The following TSC2 variants were observed in gnomAD, a reference collection of about 807,000 sequenced individuals.
TSC2 encodes TSC complex subunit 2, also known as tuberin.
TSC2 carries 29 observed loss-of-function variants against 202.2 expected under a neutral mutation model. The ratio of observed to expected loss-of-function variants is 0.14; its 90% CI spans 0.11 to 0.20. The LOEUF (loss-of-function observed/expected upper bound fraction) is 0.20, where lower values mean the gene tolerates loss of function less well. TSC2 is among the 10% of genes least tolerant of loss of function. The probability of loss-of-function intolerance (pLI) is 1.00; values close to 1 mark genes in which losing one functional copy is unlikely to be tolerated. For missense variants in TSC2, 2,429 were observed against 2,420.0 expected, an observed-to-expected ratio of 1.00 and a Z score of -0.08; for synonymous variants, 1,349 against 1,044.0, an observed-to-expected ratio of 1.29 and a Z score of -5.63.
Position 2,084,695 on chromosome 16 carries a change from A to C in TSC2, c.4473A>C (p.Lys1491Asn), listed in dbSNP as rs1266546987. Residue 1491 changes from lysine to asparagine, a missense_variant, in exon 34 of 42, where the codon AAA becomes AAC. Coordinates refer to ENST00000219476, the MANE Select transcript of TSC2 (RefSeq NM_000548.5). The stretch of plus-strand genomic sequence containing the variant: ...GAGCCACAGCCTCCAATGCAGAGAA[A>C]GTGCCAGGCATCAACCCCAGGTGGG... ...KSRATASNAE[K>N]VPGINPSFVF... is the part of the protein sequence containing the mutation. 6.3e-7 allele frequency: 1 copy of C among 1,598,330 alleles called. No individual in the cohort carries two copies. The highest frequency in any genetic ancestry group is 8.5e-7 in the Non-Finnish European group (1 of 1,179,788).
intron 16 of TSC2, among the ~76,000 whole-genome samples, chr16:2,066,811 C>A (rs1350962043): frequency 1.3e-5 from 2 of 151,900 alleles, no homozygotes; most frequent in Non-Finnish European, 1.5e-5. Flanking sequence ...CAGGCACCTG[C>A]CAACATACTC....
At chr16:2,065,465 G>T (rs1480644326) in intron 15 of TSC2, 54 bp from the exon 16 acceptor site, 1 of 1,349,758 alleles carries the variant, frequency 7.4e-7, no homozygotes, top group East Asian at 2.3e-5. Flanking sequence ...TGTTCTCACG[G>T]CTGCTGACTC....
At chr16:2,083,337 A>G (rs1353721319) in intron 32 of TSC2, 3 of 457,954 alleles carry the variant, frequency 6.6e-6, no homozygotes, top group Non-Finnish European at 8.6e-6. Flanking sequence ...CTCCTCGGTT[A>G]CGAGGGCTGG....
At chr16:2,072,742 C>G in intron 20 of TSC2, 107 bp from the exon 21 acceptor site, 3 of 1,582,294 alleles carry the variant, frequency 1.9e-6, no homozygotes, top group Non-Finnish European at 2.6e-6. Flanking sequence ...TCCCCAGCCC[C>G]TTTGCCCCCT....
chr16:2,086,228 T>C lies in TSC2; in HGVS notation c.4698T>C (p.His1566=). The C allele has an allele frequency of 6.2e-7, 1 of 1,612,652 alleles. No individual in the cohort carries two copies. Among genetic ancestry groups the C allele is most frequent in the South Asian group, 1.1e-5 (1 of 91,084 alleles). ...AGCTCGCCATCCTGTCCAATGAGCA[T>C]GGCTCCTACAGGTACACGGAGTTCC... ...NSELAILSNE[H]GSYRYTEFLT... The change falls in exon 37 of 42, where the codon CAT becomes CAC. Residue 1566 remains histidine, a synonymous_variant. Coordinates refer to ENST00000219476, the MANE Select transcript of TSC2 (RefSeq NM_000548.5).
rs1319281731 is a variant in TSC2, at chr16:2,065,577, A to T, written c.1658A>T (p.Tyr553Phe). The change falls in exon 16 of 42, where the codon TAC becomes TTC. Residue 553 changes from tyrosine (Y) to phenylalanine (F), a missense_variant. Tyr to Phe is a conservative substitution (Grantham distance 22). Transcript: ENST00000219476. Reference sequence around the variant, plus strand: ...CTGGAAGAAAGGGATGTGGCCGCATACTCGGCCTCCTTGGAGGATGTGAAG... The same window carrying T: ...CTGGAAGAAAGGGATGTGGCCGCATTCTCGGCCTCCTTGGAGGATGTGAAG... ...PELEERDVAA[Y>F]SASLEDVKTA... is the part of the protein sequence containing the mutation. The T allele has an allele frequency of 6.2e-7, 1 of 1,613,762 alleles. No homozygotes were observed.
At position 2,086,876 on chromosome 16, in the gene TSC2, G is replaced by GT. The variant is rs2151590002; in HGVS notation, c.4989+6dup. ...TTCAAGCTTGGCACCATCAAGGTGAGTGAGGGGCCGTCAGTGAGGCTGGGC... is the reference window on the plus strand; with the variant it reads ...TTCAAGCTTGGCACCATCAAGGTGAGTTGAGGGGCCGTCAGTGAGGCTGGGC... On this transcript the variant is annotated splice_donor_region_variant and intron_variant, in intron 38 of 41. Coordinates refer to ENST00000219476, the MANE Select transcript of TSC2 (RefSeq NM_000548.5). The GT allele has an allele frequency of 1.3e-6, 2 of 1,577,376 alleles. No homozygotes were observed. Among genetic ancestry groups the GT allele is most frequent in the Non-Finnish European group, 1.7e-6 (2 of 1,162,836 alleles).
rs747420910 is a variant in TSC2, at chr16:2,079,645, C to T, written c.3373C>T (p.Arg1125Trp). The change falls in exon 29 of 42, where the codon CGG becomes TGG. Residue 1125 changes from arginine (R) to tryptophan (W), a missense_variant. By Grantham distance (101) the Arg-to-Trp change is moderately radical. Transcript: ENST00000219476. The surrounding 1 kb of genome is among the most constrained non-coding windows in gnomAD (Gnocchi z 4.6). ...QAGQQVSRGA[R>W]DRVRSMSGGH... is the part of the protein sequence containing the mutation. ...TGGGCAGCAGGTGTCCCGTGGGGCC[C>T]GGGATCGGGTCCGTTCCATGTCGGG... 9 of 1,603,748 alleles carry T rather than the reference C, an allele frequency of 5.6e-6. No individual in the cohort carries two copies. Among genetic ancestry groups the T allele is most frequent in the South Asian group, 4.5e-5 (4 of 89,678 alleles).
intron 31 of TSC2, 156 bp downstream of exon 31, chr16:2,081,954 G>A: frequency 9.0e-7 from 1 of 1,114,970 alleles, no homozygotes; most frequent in Non-Finnish European, 1.3e-6. Flanking sequence ...TTTGGGAGGA[G>A]GCTGACCCGT....
At position 2,072,237 on chromosome 16, in the gene TSC2, G is replaced by T. The variant is rs1306044216; in HGVS notation, c.2098-4G>T. On this transcript the variant is annotated splice_polypyrimidine_tract_variant and splice_region_variant and intron_variant, in intron 19 of 41. Coordinates refer to ENST00000219476, the MANE Select transcript of TSC2 (RefSeq NM_000548.5). ...CCCTGTCCTGACGCCTCCTCTCCTC[G>T]CAGGAGTCTGACTGGAAGGTGCTGA... 6.2e-7 allele frequency: 1 copy of T among 1,613,798 alleles called. No individual in the cohort carries two copies. Among genetic ancestry groups the T allele is most frequent in the East Asian group, 2.2e-5 (1 of 44,892 alleles).
At chr16:2,087,316 C>T (rs1024806815) in intron 38 of TSC2, 11 of 333,924 alleles carry the variant, frequency 3.3e-5, no homozygotes, top group East Asian at 7.9e-5. Flanking sequence ...CCCAGCATGG[C>T]GGGGAGAGCT....
chr16:2,062,035 T>C (rs750236906), intron 12 of TSC2, 27 bp downstream of exon 12: 1 of 1,613,724 alleles, frequency 6.2e-7, no homozygotes, highest in Non-Finnish European at 8.5e-7. Flanking sequence ...GGTGGGGCCT[T>C]TGGGCTTTGG....
At chr16:2,070,718 G>A (rs2088183420) in intron 17 of TSC2, 140 bp downstream of exon 17, 2 of 1,408,334 alleles carry the variant, frequency 1.4e-6, no homozygotes, top group Admixed American at 4.2e-5. Context: ...CACCCACTGT[G>A]GCCGCAGCCT....
chr16:2,072,253 A>G lies in TSC2; in HGVS notation c.2110A>G (p.Lys704Glu). The change falls in exon 20 of 42, where the codon AAG becomes GAG. Residue 704 changes from lysine to glutamate, a missense_variant. By Grantham distance (56) the Lys-to-Glu change is moderately conservative. Coordinates refer to ENST00000219476, the MANE Select transcript of TSC2 (RefSeq NM_000548.5). ...LQCLKQESDW[K>E]VLKLVLGRLP... Reference sequence around the variant, plus strand: ...CCTCTCCTCGCAGGAGTCTGACTGGAAGGTGCTGAAGCTGGTTCTGGGCAG... The same window carrying G: ...CCTCTCCTCGCAGGAGTCTGACTGGGAGGTGCTGAAGCTGGTTCTGGGCAG... The G allele has an allele frequency of 1.2e-6, 2 of 1,614,018 alleles. No homozygotes were observed. The highest frequency in any genetic ancestry group is 1.7e-6 in the Non-Finnish European group (2 of 1,180,022).
chr16:2,054,616 C>T lies in TSC2; in HGVS notation c.481+176C>T, dbSNP rs570389306. 1.1e-4 allele frequency: 101 copies of T among 912,912 alleles called. No individual in the cohort carries two copies. In the African/African-American group the frequency reaches 1.2e-3, roughly 11 times the overall value. The allele number at this position is 912,912 out of a possible 1,614,324, so 56.6% of individuals were successfully genotyped here. On this transcript the variant is annotated intron_variant, in intron 5 of 41. Coordinates refer to ENST00000219476, the MANE Select transcript of TSC2 (RefSeq NM_000548.5). ...GCGTGGCCGGAGTGCCCCTGAGGCACGTGTTAAAAATGCAGAGTCCTGGCC... is the reference window on the plus strand; with the variant it reads ...GCGTGGCCGGAGTGCCCCTGAGGCATGTGTTAAAAATGCAGAGTCCTGGCC...
chr16:2,078,755 C>T (rs1482115865), intron 26 of TSC2: 5 of 519,182 alleles, frequency 9.6e-6, no homozygotes, highest in Non-Finnish European at 1.4e-5. Flanking sequence ...TAACCTAGTG[C>T]TCCCGTGGGC....
intron 30 of TSC2, 130 bp from the exon 31 acceptor site, chr16:2,081,465 T>C: frequency 1.6e-6 from 2 of 1,216,684 alleles, no homozygotes; most frequent in Non-Finnish European, 2.4e-6. Flanking sequence ...GGCTCCGACA[T>C]CGTGGTCCTG....
At chr16:2,082,598 C>G (rs921923394) in intron 32 of TSC2, 94 bp downstream of exon 32, 1 of 1,403,402 alleles carries the variant, frequency 7.1e-7, no homozygotes, top group East Asian at 2.3e-5. Context: ...CCCCATGGTC[C>G]GTCTGCCTCC....
rs762173463 is a variant in TSC2 at position 2,064,407 on chromosome 16, C to T, written c.1579C>T (p.Leu527=). 3 of 1,613,708 alleles carry T rather than the reference C, an allele frequency of 1.9e-6. No individual in the cohort carries two copies. Among genetic ancestry groups the T allele is most frequent in the South Asian group, 2.2e-5 (2 of 91,082 alleles). The change falls in exon 15 of 42, where the codon CTG becomes TTG. Residue 527 remains leucine (L), a synonymous_variant. Transcript: ENST00000219476. ...EGCHTHHFNS[L]LDIIEKVMAR... ...CTGCCACACACACCACTTCAACAGCCTGCTGGACATCATCGAGAAGGTGAG... is the reference window on the plus strand; with the variant it reads ...CTGCCACACACACCACTTCAACAGCTTGCTGGACATCATCGAGAAGGTGAG...
Sources: allele counts gnomAD v4.1 joint callset (sites outside exome capture counted in the v4.1 genomes callset), GRCh38; gene constraint gnomAD v4.1.1; non-coding constraint Gnocchi (gnomAD v3.1); transcripts MANE v1.5; gene names NCBI Gene and HGNC (gene_info 2026-07-23, HGNC 2026-07-21).